Variants in CFTR observed in about 807,000 individuals in gnomAD.
CFTR encodes cystic fibrosis transmembrane conductance regulator.
CFTR carries 181 observed loss-of-function variants against 171.6 expected under a neutral mutation model. That is an observed-to-expected ratio of 1.05 (90% confidence interval 0.93 to 1.19). The LOEUF (loss-of-function observed/expected upper bound fraction) is 1.19. Ranked by LOEUF, CFTR falls within the 50% of genes most tolerant of loss-of-function variation. CFTR has a pLI of 0.00. For synonymous variants in CFTR, 583 were observed against 608.0 expected (o/e 0.96, Z 0.60); for missense variants, 1,968 against 1,734.7 (o/e 1.13, Z -2.39).
chr7:117,591,899 TA>T, intron 13 of CFTR, 34 bp from the exon 14 acceptor site: 1 of 1,343,870 alleles, frequency 7.4e-7, no homozygotes, highest in Non-Finnish European at 1.0e-6. Flanking sequence ...AAAGTATTTA[TA>T]AAATTGATAT....
rs375677859 is a variant in CFTR at position 117,667,390 on chromosome 7, C to A, written c.*282C>A. ...TTGCAAGCCAGATTTTCCTGAAAAC[C>A]CTTGCCATGTGCTAGTAATTGGAAA... On this transcript the variant is annotated 3_prime_UTR_variant, in exon 27 of 27. Transcript: ENST00000003084. 7.2e-6 allele frequency: 3 copies of A among 415,098 alleles called. No homozygotes were observed. The highest frequency in any genetic ancestry group is 9.1e-6 in the Non-Finnish European group (2 of 220,440). The allele number at this position is 415,098 out of a possible 1,614,324, so 25.7% of individuals were successfully genotyped here.
At chr7:117,529,937 A>C (rs1156762113) in intron 3 of CFTR, among the ~76,000 whole-genome samples, 1 of 152,186 alleles carries the variant, frequency 6.6e-6, no homozygotes, top group African/African-American at 2.4e-5. Context: ...GTTATAAAAC[A>C]AAATGAGGAA....
intron 11 of CFTR, among the ~76,000 whole-genome samples, chr7:117,577,683 T>A (rs1328015898): frequency 6.6e-6 from 1 of 152,144 alleles, no homozygotes; most frequent in Non-Finnish European, 1.5e-5. Flanking sequence ...ACAGCTGCTA[T>A]GCAAAATACC....
chr7:117,666,349 G>A (rs1793376815), intron 26 of CFTR, among the ~76,000 whole-genome samples: 1 of 152,162 alleles, frequency 6.6e-6, no homozygotes, highest in South Asian at 2.1e-4. Context: ...CCTTACTGAA[G>A]GCTTGTTATT....
rs551240768 is a variant in CFTR, at chr7:117,596,276, G to A, written c.2619+1218G>A. Among the ~76,000 whole-genome samples the A allele has an allele frequency of 8.5e-5, 13 of 152,362 alleles. No individual in the cohort carries two copies. The South Asian group carries it at 1.9e-3, about 22-fold the overall frequency. ...GCCCCGCGAGCCCCAGGCAGTGAGG[G>A]GCTTAGCACCTGGGCCAGCAGCTGC... is the stretch of plus-strand genomic sequence containing the variant. On this transcript the variant is annotated intron_variant, in intron 15 of 26. Transcript: ENST00000003084.
At chr7:117,493,967 A>G (rs1413900736) in intron 1 of CFTR, among the ~76,000 whole-genome samples, 1 of 152,144 alleles carries the variant, frequency 6.6e-6, no homozygotes, top group East Asian at 1.9e-4. Flanking sequence ...AATGAAGGTG[A>G]AGGGAAGATT....
At chr7:117,545,438 A>G (rs1264321320) in intron 9 of CFTR, among the ~76,000 whole-genome samples, 1 of 152,146 alleles carries the variant, frequency 6.6e-6, no homozygotes, top group East Asian at 1.9e-4. Flanking sequence ...TGACTCTCAA[A>G]TGCGCATCTC....
In CFTR at chr7:117,576,630, A is replaced by G. The variant is rs76562774; in HGVS notation, c.1585-11109A>G. 1.2e-4 allele frequency among the ~76,000 whole-genome samples: 18 copies of G among 152,132 alleles called. No individual in the cohort carries two copies. In the East Asian group the frequency reaches 3.1e-3, roughly 26 times the overall value. On this transcript the variant is annotated intron_variant, in intron 11 of 26. Coordinates refer to ENST00000003084, the MANE Select transcript of CFTR (RefSeq NM_000492.4). ...ATAACTTTATTATTTAACTTTTTTT[A>G]TTACTTAGGATTAGAGAATTTCCTC...
intron 11 of CFTR, among the ~76,000 whole-genome samples, chr7:117,563,465 G>C (rs1163338315): frequency 6.6e-6 from 1 of 152,058 alleles, no homozygotes; most frequent in Non-Finnish European, 1.5e-5. Flanking sequence ...ATCAGACAAG[G>C]CATCAGGAAA....
intron 11 of CFTR, among the ~76,000 whole-genome samples, chr7:117,578,079 A>G (rs1382232894): frequency 1.3e-5 from 2 of 152,100 alleles, no homozygotes; most frequent in Admixed American, 6.6e-5. Flanking sequence ...GTGTATATAC[A>G]TGTACATATA....
chr7:117,508,629 T>A (rs1798460772), intron 2 of CFTR, among the ~76,000 whole-genome samples: 1 of 152,228 alleles, frequency 6.6e-6, no homozygotes, highest in South Asian at 2.1e-4. Flanking sequence ...CTGCCACAGT[T>A]CTAAACCAAT....
chr7:117,642,542 G>C lies in CFTR; in HGVS notation c.3822G>C (p.Trp1274Cys). The change falls in exon 23 of 27, where the codon TGG becomes TGC. Residue 1274 changes from tryptophan to cysteine, a missense_variant. Trp to Cys is a radical substitution (Grantham distance 215). Coordinates refer to ENST00000003084, the MANE Select transcript of CFTR (RefSeq NM_000492.4). ...EGEIQIDGVS[W>C]DSITLQQWRK... ...AAATCCAGATCGATGGTGTGTCTTG[G>C]GATTCAATAACTTTGCAACAGTGGA... 1 of 1,613,476 alleles carries C rather than the reference G, an allele frequency of 6.2e-7. No homozygotes were observed. Among genetic ancestry groups the C allele is most frequent in the Non-Finnish European group, 8.5e-7 (1 of 1,179,710 alleles).
chr7:117,605,963 G>T (rs1012516681), intron 17 of CFTR, among the ~76,000 whole-genome samples: 1 of 152,138 alleles, frequency 6.6e-6, no homozygotes, highest in African/African-American at 2.4e-5. Context: ...TTTAATTCCT[G>T]TCTAGACAAT....
At chr7:117,500,278 C>CTTTTTTTTTTTTTTTTTTTTTTTTTTT (rs745627454) in intron 1 of CFTR, among the ~76,000 whole-genome samples, 1 of 76,452 alleles carries the variant, frequency 1.3e-5, no homozygotes. Context: ...TTCTTCCTTT[C>CTTTTTTTTTTTTTTTTTTTTTTTTTTT]TTTTTTTTTT....
intron 8 of CFTR, among the ~76,000 whole-genome samples, chr7:117,540,929 G>A (rs981178436): frequency 6.6e-6 from 1 of 152,044 alleles, no homozygotes; most frequent in Non-Finnish European, 1.5e-5. Context: ...TAAAAATTGG[G>A]AGATGTCTCA....
chr7:117,523,129 A>T (rs754855885), intron 3 of CFTR, among the ~76,000 whole-genome samples: 20 of 152,166 alleles, frequency 1.3e-4, no homozygotes, highest in Non-Finnish European at 2.8e-4. Flanking sequence ...TGTTCAAAGG[A>T]TGACTATGTC....
At position 117,592,411 on chromosome 7, in the gene CFTR, ACTG is replaced by A; in HGVS notation, c.2246_2248del (p.Leu749del). On this transcript the variant is annotated inframe_deletion, in exon 14 of 27. Coordinates refer to ENST00000003084, the MANE Select transcript of CFTR (RefSeq NM_000492.4). Reference sequence around the variant, plus strand: ...CAGATTCTGAGCAGGGAGAGGCGATACTGCCTCGCATCAGCGTGATCAGCACTG... The same window carrying A: ...CAGATTCTGAGCAGGGAGAGGCGATACCTCGCATCAGCGTGATCAGCACTG... 6.2e-7 allele frequency: 1 copy of A among 1,613,542 alleles called. No homozygotes were observed.
intron 9 of CFTR, among the ~76,000 whole-genome samples, chr7:117,543,163 T>A (rs946499505): frequency 4.6e-5 from 7 of 152,200 alleles, no homozygotes; most frequent in Non-Finnish European, 1.0e-4. Context: ...ATAAAACCAG[T>A]GTCCTAGGTC....
intron 11 of CFTR, among the ~76,000 whole-genome samples, chr7:117,573,906 A>G (rs1447760598): frequency 1.3e-5 from 2 of 152,240 alleles, no homozygotes; most frequent in East Asian, 3.9e-4. Flanking sequence ...ATTTTTGTGG[A>G]TAACTCCAAG....
Sources: gnomAD v4.1 joint callset for allele counts (sites outside exome capture counted in the v4.1 genomes callset) on GRCh38, gnomAD v4.1.1 for gene constraint, MANE v1.5 for transcripts, NCBI Gene and HGNC (gene_info 2026-07-23, HGNC 2026-07-21) for gene names.